Variants in TMC1 observed in about 807,000 individuals in gnomAD.
TMC1 encodes the protein transmembrane channel like 1.
Under a neutral mutation model 105.8 loss-of-function variants are expected in TMC1, and 84 were observed. The ratio of observed to expected loss-of-function variants is 0.79; its 90% CI spans 0.67 to 0.95. The LOEUF is 0.95. TMC1 is among the 40% of genes least tolerant of loss of function. The pLI is 0.00. For synonymous variants in TMC1, 315 were observed against 311.5 expected, an observed-to-expected ratio of 1.01 and a Z score of -0.12; for missense variants, 817 against 914.1, an observed-to-expected ratio of 0.89 and a Z score of 1.37.
intron 6 of TMC1, among the ~76,000 whole-genome samples, chr9:72,692,485 T>C (rs1305742556): frequency 6.6e-6 from 1 of 152,194 alleles, no homozygotes; most frequent in East Asian, 1.9e-4. Flanking sequence ...AGTTGAACTT[T>C]TATGTCCATG....
At chr9:72,632,431 G>A (rs1279561017) in intron 4 of TMC1, among the ~76,000 whole-genome samples, 1 of 152,130 alleles carries the variant, frequency 6.6e-6, no homozygotes, top group African/African-American at 2.4e-5. Context: ...GGAGCAAGGA[G>A]CAGACTCCAT....
chr9:72,727,023 C>T (rs1827136504), intron 8 of TMC1, among the ~76,000 whole-genome samples: 2 of 152,198 alleles, frequency 1.3e-5, no homozygotes, highest in Admixed American at 1.3e-4. Context: ...GTCTATCAAG[C>T]CACGTAGATG....
chr9:72,756,254 G>A (rs934116734), intron 12 of TMC1, among the ~76,000 whole-genome samples: 4 of 152,212 alleles, frequency 2.6e-5, no homozygotes, highest in African/African-American at 4.8e-5. Context: ...CAGGGTACTC[G>A]TGATATTAGA....
At chr9:72,553,081 C>T (rs1030798775) in intron 1 of TMC1, among the ~76,000 whole-genome samples, 23 of 152,016 alleles carry the variant, frequency 1.5e-4, no homozygotes, top group African/African-American at 5.3e-4. Context: ...TCAAGTGATT[C>T]TCCTACCTCA....
In TMC1 at chr9:72,524,585, A is replaced by G. The variant is rs144676658; in HGVS notation, c.-428+2672A>G. Among the ~76,000 whole-genome samples, 689 of 152,338 alleles carry G rather than the reference A, an allele frequency of 4.5e-3. 6 individuals are homozygous for G. Among genetic ancestry groups the G allele is most frequent in the African/African-American group, 0.016 (661 of 41,574 alleles). The stretch of plus-strand genomic sequence containing the variant: ...AGTTGTTAACTCTAATACATGTTAT[A>G]TCTTATCCTTGACCCAGTATTACCC... On this transcript the variant is annotated intron_variant, in intron 1 of 23. Coordinates refer to ENST00000297784, the MANE Select transcript of TMC1 (RefSeq NM_138691.3).
chr9:72,657,777 A>G (rs947903951), intron 5 of TMC1, among the ~76,000 whole-genome samples: 1 of 152,220 alleles, frequency 6.6e-6, no homozygotes, highest in Non-Finnish European at 1.5e-5. Context: ...CAATGAGACA[A>G]AATTAAAAGA....
chr9:72,768,462 A>T (rs1273538537), intron 12 of TMC1, among the ~76,000 whole-genome samples: 1 of 152,194 alleles, frequency 6.6e-6, no homozygotes, highest in Non-Finnish European at 1.5e-5. Flanking sequence ...CCCAGAACTT[A>T]AAGTATAATA....
rs143626093 is a variant in TMC1, at chr9:72,663,342, C to G, written c.16+14678C>G. On this transcript the variant is annotated intron_variant, in intron 5 of 23. Coordinates refer to ENST00000297784, the MANE Select transcript of TMC1 (RefSeq NM_138691.3). ...AACCTGAAAAGACATCTCAAAAGACCAATCTTAGGTTCTGTAATAGTGATG... is the reference window on the plus strand; with the variant it reads ...AACCTGAAAAGACATCTCAAAAGACGAATCTTAGGTTCTGTAATAGTGATG... Among the ~76,000 whole-genome samples, 204 of 152,212 alleles carry G rather than the reference C, an allele frequency of 1.3e-3. 1 individual carries two copies. Among genetic ancestry groups the G allele is most frequent in the African/African-American group, 4.7e-3 (195 of 41,516 alleles).
At chr9:72,550,316 A>G (rs995166246) in intron 1 of TMC1, among the ~76,000 whole-genome samples, 4 of 151,892 alleles carry the variant, frequency 2.6e-5, no homozygotes, top group Non-Finnish European at 5.9e-5. Context: ...AAAAATACAA[A>G]AATTAGCTGG....
At chr9:72,656,280 C>T (rs1043697179) in intron 5 of TMC1, 5 of 290,444 alleles carry the variant, frequency 1.7e-5, no homozygotes, top group African/African-American at 1.1e-4. Flanking sequence ...CAGAGCTCCA[C>T]AACACCTACG....
intron 4 of TMC1, among the ~76,000 whole-genome samples, chr9:72,639,977 C>A (rs931082546): frequency 4.6e-5 from 7 of 152,100 alleles, no homozygotes; most frequent in African/African-American, 1.7e-4. Context: ...AATTTCATAG[C>A]CTAATTCAAA....
At chr9:72,573,815 G>A (rs989267081) in intron 1 of TMC1, among the ~76,000 whole-genome samples, 14 of 151,992 alleles carry the variant, frequency 9.2e-5, no homozygotes, top group African/African-American at 3.4e-4. Context: ...TTTAGGTTAG[G>A]GGGTACATGT....
At chr9:72,594,114 C>T (rs748297619) in intron 2 of TMC1, among the ~76,000 whole-genome samples, 3 of 152,214 alleles carry the variant, frequency 2.0e-5, no homozygotes, top group Non-Finnish European at 4.4e-5. Flanking sequence ...AATTAAATCA[C>T]TGTAAGACAG....
chr9:72,677,169 C>G (rs557164469), intron 5 of TMC1, among the ~76,000 whole-genome samples: 16 of 150,998 alleles, frequency 1.1e-4, no homozygotes, highest in South Asian at 4.2e-4. Flanking sequence ...CACACAGGAA[C>G]TGGTTCATGG....
At chr9:72,729,208 A>T (rs1234032925) in intron 8 of TMC1, among the ~76,000 whole-genome samples, 2 of 152,124 alleles carry the variant, frequency 1.3e-5, no homozygotes, top group African/African-American at 4.8e-5. Flanking sequence ...TAGAGAAAAA[A>T]AATTCCCTTA....
intron 18 of TMC1, among the ~76,000 whole-genome samples, chr9:72,808,053 A>G (rs893663046): frequency 1.3e-5 from 2 of 152,186 alleles, no homozygotes; most frequent in African/African-American, 4.8e-5. Flanking sequence ...CCTGGAAAAT[A>G]TGACCTGGGG....
chr9:72,752,035 G>C, intron 11 of TMC1, 79 bp downstream of exon 11: 1 of 963,894 alleles, frequency 1.0e-6, no homozygotes, highest in South Asian at 1.3e-5. Flanking sequence ...CTTTAAAGTA[G>C]AATAATTAAC....
chr9:72,684,427 C>T (rs1249040499), intron 5 of TMC1, among the ~76,000 whole-genome samples: 2 of 152,190 alleles, frequency 1.3e-5, no homozygotes, highest in African/African-American at 4.8e-5. Flanking sequence ...CATCCACAAT[C>T]TCTGACTTTC....
chr9:72,606,848 A>G (rs1824922599), intron 2 of TMC1, among the ~76,000 whole-genome samples: 1 of 152,100 alleles, frequency 6.6e-6, no homozygotes, highest in Admixed American at 6.6e-5. Flanking sequence ...TGAACAATTT[A>G]TTCAATCTCT....
Sources: allele counts gnomAD v4.1 joint callset (sites outside exome capture counted in the v4.1 genomes callset), GRCh38; gene constraint gnomAD v4.1.1; transcripts MANE v1.5; gene names NCBI Gene and HGNC (gene_info 2026-07-23, HGNC 2026-07-21).